NELL2: variants seen among roughly 807,000 people sequenced by gnomAD.
NELL2 encodes protein kinase C-binding protein NELL2.
NELL2 carries 41 observed loss-of-function variants against 109.6 expected under a neutral mutation model. The observed-to-expected ratio is 0.37, with a 90% CI of 0.29 to 0.49. The LOEUF (loss-of-function observed/expected upper bound fraction) is 0.49. Among genes scored for constraint, NELL2 ranks in the 20% least tolerant of loss-of-function variants. The pLI is 0.98. For missense variants in NELL2, 900 were observed against 1,008.3 expected (o/e 0.89, Z 1.45); for synonymous variants, 355 against 344.7 (o/e 1.03, Z -0.33).
At chr12:44,572,844 TA>T (rs1177614873) in intron 15 of NELL2, among the ~76,000 whole-genome samples, 1 of 152,188 alleles carries the variant, frequency 6.6e-6, no homozygotes, top group Non-Finnish European at 1.5e-5. Context: ...CACTGGAGAC[TA>T]GAGAGATTCT....
At position 44,540,781 on chromosome 12, in the gene NELL2, C is replaced by CAAAAAAAAAAAAAAAAAAA. The variant is rs57205620; in HGVS notation, c.1664-8061_1664-8060insTTTTTTTTTTTTTTTTTTT. On this transcript the variant is annotated intron_variant, in intron 15 of 19. Coordinates refer to ENST00000429094, the MANE Select transcript of NELL2 (RefSeq NM_001145108.2). ...AGCTTACTAATGTAAGTCTGCAAGC[C>CAAAAAAAAAAAAAAAAAAA]AAAAAAAAAAAAAAAAAGCCCATCC... 5.9e-3 allele frequency among the ~76,000 whole-genome samples: 291 copies of CAAAAAAAAAAAAAAAAAAA among 49,688 alleles called. 88 individuals carry two copies. Among genetic ancestry groups the CAAAAAAAAAAAAAAAAAAA allele is most frequent in the East Asian group, 0.012 (14 of 1,158 alleles). 32.6% of individuals were successfully genotyped at this position (49,688 alleles called of 152,430 possible). A position where few individuals can be genotyped will look rare whatever the true frequency, so the allele number is the denominator to read the frequency against.
chr12:44,840,635 CAAA>C (rs759391830), intron 2 of NELL2, among the ~76,000 whole-genome samples: 1 of 98,414 alleles, frequency 1.0e-5, no homozygotes. Flanking sequence ...GACTCCGTCT[CAAA>C]AAAAAAAAAA....
Position 44,516,901 on chromosome 12 carries a change from CTT to C in NELL2, c.2400+3102_2400+3103del, listed in dbSNP as rs5797903. ...CTGTTTTTCTAGTATGTAGTTGTGA[CTT>C]TTTTTTTTTTTTTGCTAATTTTATG... On this transcript the variant is annotated intron_variant, in intron 19 of 19. Transcript: ENST00000429094. Among the ~76,000 whole-genome samples the C allele has an allele frequency of 5.5e-3, 747 of 135,092 alleles. 7 individuals carry two copies. Among genetic ancestry groups the C allele is most frequent in the African/African-American group, 0.018 (688 of 38,132 alleles). 88.6% of individuals were successfully genotyped at this position (135,092 alleles called of 152,430 possible). A position where few individuals can be genotyped will look rare whatever the true frequency, so the allele number is the denominator to read the frequency against.
chr12:44,840,488 T>A (rs1944190815), intron 2 of NELL2, among the ~76,000 whole-genome samples: 1 of 152,096 alleles, frequency 6.6e-6, no homozygotes, highest in African/African-American at 2.4e-5. Context: ...TTACAAAAAA[T>A]TAGCCAGGCG....
chr12:44,757,066 T>G (rs957628518), intron 9 of NELL2, among the ~76,000 whole-genome samples: 1 of 152,186 alleles, frequency 6.6e-6, no homozygotes, highest in African/African-American at 2.4e-5. Context: ...CAATAAATAG[T>G]ATAATCATCA....
intron 2 of NELL2, among the ~76,000 whole-genome samples, chr12:44,821,930 T>A (rs1017062658): frequency 2.8e-5 from 4 of 144,412 alleles, no homozygotes; most frequent in Non-Finnish European, 6.1e-5. Flanking sequence ...TATTTATTTA[T>A]TTTGGTATTT....
intron 9 of NELL2, among the ~76,000 whole-genome samples, chr12:44,763,728 A>T (rs1177604995): frequency 6.6e-6 from 1 of 152,190 alleles, no homozygotes; most frequent in Non-Finnish European, 1.5e-5. Context: ...AGTGGTACAG[A>T]GCACAATTCT....
At chr12:44,541,574 C>T (rs1942573336) in intron 15 of NELL2, among the ~76,000 whole-genome samples, 1 of 152,110 alleles carries the variant, frequency 6.6e-6, no homozygotes, top group Non-Finnish European at 1.5e-5. Flanking sequence ...AACCCAAAAT[C>T]TTCAGCTTCT....
intron 9 of NELL2, among the ~76,000 whole-genome samples, chr12:44,744,567 G>A (rs192725995): frequency 6.6e-6 from 1 of 152,158 alleles, no homozygotes; most frequent in African/African-American, 2.4e-5. Context: ...GACTAATAAA[G>A]AAGAAAAGAG....
chr12:44,660,720 A>G (rs972787071), intron 13 of NELL2, among the ~76,000 whole-genome samples: 7 of 152,304 alleles, frequency 4.6e-5, no homozygotes, highest in African/African-American at 1.7e-4. Context: ...CATAGAGCTC[A>G]TCAACACAAA....
Position 44,703,822 on chromosome 12 carries a change from T to C in NELL2, c.1222A>G (p.Met408Val), listed in dbSNP as rs377489379. ...YDFCSERHNC[M>V]ENSICRNLND... is the part of the protein sequence containing the mutation. ...AGATTTCTGCAGATGGAATTCTCCA[T>C]GCAGTTATGCCTTTCAGAACAAAAG... The change falls in exon 12 of 20, where the codon ATG (methionine) becomes GTG (valine). Residue 408 changes from methionine (M) to valine (V), a missense_variant. Coordinates refer to ENST00000429094, the MANE Select transcript of NELL2 (RefSeq NM_001145108.2). 2 of 1,613,340 alleles carry C rather than the reference T, an allele frequency of 1.2e-6. No individual in the cohort carries two copies. The highest frequency in any genetic ancestry group is 1.7e-6 in the Non-Finnish European group (2 of 1,179,558).
At chr12:44,775,428 AAG>A (rs1941720050) in intron 8 of NELL2, among the ~76,000 whole-genome samples, 1 of 152,240 alleles carries the variant, frequency 6.6e-6, no homozygotes, top group Non-Finnish European at 1.5e-5. Context: ...TGTAATTTAA[AAG>A]TTTAAAACCA....
intron 15 of NELL2, among the ~76,000 whole-genome samples, chr12:44,603,833 G>GT (rs1183704545): frequency 6.6e-6 from 1 of 152,120 alleles, no homozygotes; most frequent in Non-Finnish European, 1.5e-5. Flanking sequence ...ACAAGGGGTG[G>GT]TAAGTGCAAG....
intron 10 of NELL2, 118 bp from the exon 11 acceptor site, chr12:44,711,512 C>G (rs1283393258): frequency 1.4e-6 from 1 of 723,954 alleles, no homozygotes; most frequent in African/African-American, 1.8e-5. Flanking sequence ...TCCTGAGGAC[C>G]TCTGCACAGG....
intron 9 of NELL2, among the ~76,000 whole-genome samples, chr12:44,761,717 A>G (rs957581448): frequency 6.6e-6 from 1 of 152,200 alleles, no homozygotes; most frequent in African/African-American, 2.4e-5. Context: ...ATGAAATCAC[A>G]TCTTTTGAAG....
Position 44,831,036 on chromosome 12 carries a change from C to T in NELL2, c.185-14900G>A, listed in dbSNP as rs73279129. 6.0e-3 allele frequency among the ~76,000 whole-genome samples: 911 copies of T among 152,074 alleles called. 6 individuals are homozygous for T. Among genetic ancestry groups the T allele is most frequent in the African/African-American group, 0.021 (865 of 41,468 alleles). ...TTACCACATTGGACACCACACCCAACTCCTGCTTATACTCACAACCCACCA... is the reference window on the plus strand; with the variant it reads ...TTACCACATTGGACACCACACCCAATTCCTGCTTATACTCACAACCCACCA... On this transcript the variant is annotated intron_variant, in intron 2 of 19. Transcript: ENST00000429094.
At chr12:44,596,044 T>C (rs1322250455) in intron 15 of NELL2, among the ~76,000 whole-genome samples, 1 of 152,182 alleles carries the variant, frequency 6.6e-6, no homozygotes, top group Non-Finnish European at 1.5e-5. Flanking sequence ...GATTTGTAGT[T>C]AGCAGTCACT....
chr12:44,660,184 G>A (rs1175589538), intron 13 of NELL2, among the ~76,000 whole-genome samples: 1 of 152,130 alleles, frequency 6.6e-6, no homozygotes, highest in African/African-American at 2.4e-5. Flanking sequence ...AGGGCCTAAA[G>A]GAAATTCAAA....
upstream of NELL2, chr12:44,876,558 A>G: frequency 6.8e-7 from 1 of 1,473,226 alleles, no homozygotes; most frequent in Non-Finnish European, 9.1e-7. Flanking sequence ...TTCGGGATTG[A>G]AAGCTCTAAA....
Sources: allele counts gnomAD v4.1 joint callset (sites outside exome capture counted in the v4.1 genomes callset), GRCh38; gene constraint gnomAD v4.1.1; transcripts MANE v1.5; gene names NCBI Gene and HGNC (gene_info 2026-07-23, HGNC 2026-07-21).